Variants in SEPTIN11 observed in about 807,000 individuals in gnomAD.
The protein encoded by SEPTIN11 is septin 11, also known as septin-11.
Under a neutral mutation model 51.4 loss-of-function variants are expected in SEPTIN11, and 25 were observed. The observed-to-expected ratio is 0.49, with a 90% CI of 0.35 to 0.68. SEPTIN11 has a LOEUF of 0.68. Ranked by LOEUF, SEPTIN11 falls within the 30% of genes least tolerant of loss-of-function variation. The pLI is 0.00. For synonymous variants in SEPTIN11, 174 were observed against 184.1 expected (o/e 0.95, Z 0.44); for missense variants, 381 against 520.8 (o/e 0.73, Z 2.61).
At chr4:76,971,478 GA>G (rs138413196) in intron 1 of SEPTIN11, among the ~76,000 whole-genome samples, 11,708 of 150,838 alleles carry the variant, frequency 0.078, 614 homozygotes, top group South Asian at 0.17. Context: ...ATTGAGATTT[GA>G]GTACTAAATT....
chr4:76,999,435 C>A (rs1255936692), intron 2 of SEPTIN11, among the ~76,000 whole-genome samples: 2 of 152,180 alleles, frequency 1.3e-5, no homozygotes, highest in African/African-American at 4.8e-5. Context: ...TTCCTCCTTA[C>A]TTACTCCCTT....
chr4:77,028,845 G>A (rs1726382660), intron 8 of SEPTIN11, 84 bp downstream of exon 8: 2 of 745,868 alleles, frequency 2.7e-6, no homozygotes, highest in Admixed American at 5.1e-5. Context: ...ACTTCATGAT[G>A]GTCCAAGTAC....
At chr4:76,998,197 A>T (rs1278461123) in intron 2 of SEPTIN11, among the ~76,000 whole-genome samples, 1 of 152,216 alleles carries the variant, frequency 6.6e-6, no homozygotes, top group Non-Finnish European at 1.5e-5. Context: ...ATTCTTAAAC[A>T]TGTTTAAAAT....
intron 4 of SEPTIN11, among the ~76,000 whole-genome samples, chr4:77,014,473 T>C (rs553463236): frequency 1.3e-5 from 2 of 152,248 alleles, no homozygotes; most frequent in South Asian, 4.1e-4. Flanking sequence ...CTATTTGTCA[T>C]AGAAGAGTAA....
intron 1 of SEPTIN11, among the ~76,000 whole-genome samples, chr4:76,950,509 AGTTTTCTGGAGGCTCCCTT>A (rs1721286383): frequency 6.6e-6 from 1 of 152,162 alleles, no homozygotes; most frequent in Non-Finnish European, 1.5e-5. Flanking sequence ...ACACACACAA[AGTTTTCTGGAGGCTCCCTT>A]GTGGTGTGGG....
At chr4:76,968,042 A>G (rs1243760188) in intron 1 of SEPTIN11, among the ~76,000 whole-genome samples, 1 of 152,194 alleles carries the variant, frequency 6.6e-6, no homozygotes, top group Non-Finnish European at 1.5e-5. Flanking sequence ...GTGGTAGCCA[A>G]GCAAATGTGG....
intron 1 of SEPTIN11, among the ~76,000 whole-genome samples, chr4:76,987,184 C>G (rs915084378): frequency 2.6e-5 from 4 of 152,176 alleles, no homozygotes; most frequent in Non-Finnish European, 5.9e-5. Flanking sequence ...GGATGCTCCT[C>G]CTTAGTCTCA....
intron 7 of SEPTIN11, among the ~76,000 whole-genome samples, chr4:77,028,197 G>A (rs1363737952): frequency 6.6e-6 from 1 of 152,138 alleles, no homozygotes; most frequent in African/African-American, 2.4e-5. Flanking sequence ...GGAGGCTGAG[G>A]GAGGCTGTGC....
Position 77,030,874 on chromosome 4 carries a change from A to T in SEPTIN11, c.1178A>T (p.Asn393Ile). 1.9e-6 allele frequency: 3 copies of T among 1,613,936 alleles called. No individual in the cohort carries two copies. Among genetic ancestry groups the T allele is most frequent in the Non-Finnish European group, 2.5e-6 (3 of 1,179,962 alleles). ...AAGAAGGAGCTTGAGGAGGAGGTGAACAACTTCCAGAAGAAGAAAGCAGCG... is the reference window on the plus strand; with the variant it reads ...AAGAAGGAGCTTGAGGAGGAGGTGATCAACTTCCAGAAGAAGAAAGCAGCG... ...DKKKELEEEV[N>I]NFQKKKAAAQ... Residue 393 changes from asparagine (N) to isoleucine (I), a missense_variant, in exon 9 of 10, where the codon AAC becomes ATC. Asn to Ile is a moderately radical substitution (Grantham distance 149). This residue lies in a region of SEPTIN11 where 197 missense variants were observed against 313.1 expected (regional missense o/e 0.63). Coordinates refer to ENST00000264893, the MANE Select transcript of SEPTIN11 (RefSeq NM_018243.4).
rs981398802 is a variant in SEPTIN11 at position 77,024,172 on chromosome 4, C to T, written c.953+3502C>T. ...AGGAGTAGCGCGCGCACAGAAACGC[C>T]GTATTCAAGCCTTGGCAGCACACCA... On this transcript the variant is annotated intron_variant, in intron 7 of 9. Transcript: ENST00000264893. The surrounding 1 kb of genome is among the most constrained non-coding windows in gnomAD (Gnocchi z 4.2). Among the ~76,000 whole-genome samples, 9 of 152,186 alleles carry T rather than the reference C, an allele frequency of 5.9e-5. No individual in the cohort carries two copies. The highest frequency in any genetic ancestry group is 1.3e-4 in the Non-Finnish European group (9 of 68,030).
chr4:76,963,141 C>A (rs1274441440), intron 1 of SEPTIN11, among the ~76,000 whole-genome samples: 3 of 152,204 alleles, frequency 2.0e-5, no homozygotes, highest in Non-Finnish European at 2.9e-5. Flanking sequence ...GAAAACTTAA[C>A]AAATTTGAAG....
chr4:77,005,853 C>A (rs1218524735), intron 3 of SEPTIN11, 57 bp downstream of exon 3: 8 of 1,509,136 alleles, frequency 5.3e-6, no homozygotes, highest in Non-Finnish European at 7.2e-6. Context: ...AGGATCCATC[C>A]CAGGTAAATT....
At chr4:76,956,190 A>G (rs972497898) in intron 1 of SEPTIN11, among the ~76,000 whole-genome samples, 1 of 152,202 alleles carries the variant, frequency 6.6e-6, no homozygotes. Context: ...GGCTTGACCA[A>G]AAACTTCTGT....
At chr4:76,957,360 T>C (rs1238521647) in intron 1 of SEPTIN11, among the ~76,000 whole-genome samples, 3 of 152,114 alleles carry the variant, frequency 2.0e-5, no homozygotes, top group Admixed American at 1.3e-4. Context: ...GAGGCCATAG[T>C]GTATAGCGTT....
chr4:77,039,166 T>C, downstream of SEPTIN11: 5 of 1,276,908 alleles, frequency 3.9e-6, no homozygotes, highest in Non-Finnish European at 5.1e-6. Flanking sequence ...TTCACACGTG[T>C]TGGGGAAGAG....
intron 2 of SEPTIN11, among the ~76,000 whole-genome samples, chr4:77,000,076 G>A (rs1724017304): frequency 6.6e-6 from 1 of 152,136 alleles, no homozygotes; most frequent in African/African-American, 2.4e-5. Flanking sequence ...CATTGATCCA[G>A]CTGTCTTGTA....
intron 1 of SEPTIN11, chr4:76,958,801 A>G (rs1560692683): frequency 2.1e-6 from 2 of 948,432 alleles, no homozygotes; most frequent in Non-Finnish European, 3.1e-6. Context: ...TTTGTAAATT[A>G]AAAAAAAATA....
intron 1 of SEPTIN11, among the ~76,000 whole-genome samples, chr4:76,950,869 GC>G (rs1298375351): frequency 6.6e-6 from 1 of 152,218 alleles, no homozygotes. Flanking sequence ...AAGGAGCGGA[GC>G]TGGGTGGGAA....
rs1054322371 is a variant in SEPTIN11, at chr4:76,952,367, T to A, written c.27+2437T>A. On this transcript the variant is annotated intron_variant, in intron 1 of 9. Transcript: ENST00000264893. ...TCCCTAGGTATTTAATTAGATTTTT[T>A]AAAAAGTTATTTAGGACATATATCT... Among the ~76,000 whole-genome samples the A allele has an allele frequency of 1.2e-3, 177 of 152,196 alleles. 2 individuals are homozygous for A. The highest frequency in any genetic ancestry group is 2.6e-4 in the Admixed American group (4 of 15,276).
Sources: gnomAD v4.1 joint callset for allele counts (sites outside exome capture counted in the v4.1 genomes callset) on GRCh38, gnomAD v4.1.1 for gene constraint, gnomAD v4.1.1 regional missense constraint, Gnocchi (gnomAD v3.1) non-coding constraint, MANE v1.5 for transcripts, NCBI Gene and HGNC (gene_info 2026-07-23, HGNC 2026-07-21) for gene names.